Variants in RPL27 observed in about 807,000 individuals in gnomAD.
RPL27 encodes ribosomal protein L27.
For missense variants in RPL27, 131 were observed against 174.3 expected, an observed-to-expected ratio of 0.75 and a Z score of 1.40; for synonymous variants, 77 against 61.0, an observed-to-expected ratio of 1.26 and a Z score of -1.22.
chr17:43,002,908 A>G lies in RPL27; in HGVS notation c.399A>G (p.Lys133=), dbSNP rs2050381460. ...KTGKNKWFFQ[K]LRF is the part of the protein sequence containing the mutation. ...GCAAGAACAAGTGGTTCTTCCAGAAACTGCGGTTTTAGATGCTTTGTTTTG... is the reference window on the plus strand; with the variant it reads ...GCAAGAACAAGTGGTTCTTCCAGAAGCTGCGGTTTTAGATGCTTTGTTTTG... The change falls in exon 5 of 5, where the codon AAA becomes AAG. Residue 133 remains lysine (K), a synonymous_variant. Coordinates refer to ENST00000253788, the MANE Select transcript of RPL27 (RefSeq NM_000988.5). 6.2e-7 allele frequency: 1 copy of G among 1,613,724 alleles called. No homozygotes were observed. The highest frequency in any genetic ancestry group is 8.5e-7 in the Non-Finnish European group (1 of 1,179,634).
intron 3 of RPL27, among the ~76,000 whole-genome samples, chr17:43,001,967 TGTA>T (rs749978935): frequency 2.8e-4 from 42 of 150,368 alleles, no homozygotes; most frequent in South Asian, 4.2e-4. Flanking sequence ...GGCAGGCGCC[TGTA>T]GTAGTCCCAG....
chr17:43,002,321 C>T (rs1355462438), intron 3 of RPL27, among the ~76,000 whole-genome samples: 4 of 151,724 alleles, frequency 2.6e-5, no homozygotes, highest in African/African-American at 9.7e-5. Flanking sequence ...CTGGCTAACA[C>T]TGTGAAACCC....
Position 43,000,671 on chromosome 17 carries a change from C to T in RPL27, c.251+569C>T, listed in dbSNP as rs367698662. Among the ~76,000 whole-genome samples, 194 of 147,822 alleles carry T rather than the reference C, an allele frequency of 1.3e-3. 1 individual carries two copies. Among genetic ancestry groups the T allele is most frequent in the African/African-American group, 4.5e-3 (183 of 40,576 alleles). On this transcript the variant is annotated intron_variant, in intron 3 of 4. Transcript: ENST00000253788. Reference sequence around the variant, plus strand: ...ATGTTAGCCAGGATGGTCTCGATCTCCTGACCTCGTGATCTGCCCACCTCA... The same window carrying T: ...ATGTTAGCCAGGATGGTCTCGATCTTCTGACCTCGTGATCTGCCCACCTCA...
In RPL27 at chr17:43,000,095, C is replaced by T. The variant is rs1020517623; in HGVS notation, c.244C>T (p.Pro82Ser). ...AGTGTATAACTACAATCACCTAATGCCCACAAGGTGAGCATTTCAAGAACT... is the reference window on the plus strand; with the variant it reads ...AGTGTATAACTACAATCACCTAATGTCCACAAGGTGAGCATTTCAAGAACT... The part of the protein sequence containing the change: ...VKVYNYNHLM[P>S]TRYSVDIPLD... Residue 82 changes from proline (P) to serine (S), a missense_variant, in exon 3 of 5, where the codon CCC (proline) becomes TCC (serine). Pro to Ser is a moderately conservative substitution (Grantham distance 74, BLOSUM62 -1). Transcript: ENST00000253788. 1.2e-6 allele frequency: 2 copies of T among 1,608,092 alleles called. No individual in the cohort carries two copies. Among genetic ancestry groups the T allele is most frequent in the Non-Finnish European group, 1.7e-6 (2 of 1,175,376 alleles).
At chr17:43,000,139 C>T (rs529933728) in intron 3 of RPL27, 37 bp downstream of exon 3, 1 of 1,516,548 alleles carries the variant, frequency 6.6e-7, no homozygotes, top group Non-Finnish European at 9.1e-7. Context: ...AATTTCTTCT[C>T]CCTGCTCTGT....
At chr17:43,000,520 T>G (rs574816784) in intron 3 of RPL27, among the ~76,000 whole-genome samples, 41 of 146,328 alleles carry the variant, frequency 2.8e-4, no homozygotes, top group African/African-American at 1.0e-3. Context: ...CAGGTTGGAG[T>G]GCAGTGGCGG....
intron 3 of RPL27, among the ~76,000 whole-genome samples, chr17:43,002,175 T>A (rs934945772): frequency 2.6e-5 from 4 of 151,738 alleles, no homozygotes; most frequent in African/African-American, 4.9e-5. Flanking sequence ...AACATTGAAT[T>A]TTACATTTTA....
intron 3 of RPL27, among the ~76,000 whole-genome samples, chr17:43,000,679 C>T (rs1417140956): frequency 1.3e-5 from 2 of 149,232 alleles, no homozygotes; most frequent in Admixed American, 6.6e-5. Context: ...CTCCTGACCT[C>T]GTGATCTGCC....
intron 3 of RPL27, among the ~76,000 whole-genome samples, chr17:43,002,438 C>T (rs953068777): frequency 2.6e-5 from 4 of 151,842 alleles, no homozygotes; most frequent in Non-Finnish European, 4.4e-5. Flanking sequence ...ACCCGGGAGG[C>T]GGAACTTGCA....
intron 3 of RPL27, among the ~76,000 whole-genome samples, chr17:43,001,475 G>T (rs2050361448): frequency 1.3e-5 from 1 of 77,302 alleles, no homozygotes; most frequent in African/African-American, 4.1e-5. Context: ...AAAAAAATTA[G>T]CTGGGCATGG....
chr17:42,999,975 C>T lies in RPL27; in HGVS notation c.124C>T (p.Leu42=), dbSNP rs368450548. The change falls in exon 3 of 5, where the codon CTG becomes TTG. Residue 42 remains leucine, a synonymous_variant. Transcript: ENST00000253788. The part of the protein sequence containing the change: ...GTSDRPYSHA[L]VAGIDRYPRK... Reference sequence around the variant, plus strand: ...CTCAGATCGCCCCTACAGCCATGCTCTGGTGGCTGGAATTGACCGCTACCC... The same window carrying T: ...CTCAGATCGCCCCTACAGCCATGCTTTGGTGGCTGGAATTGACCGCTACCC... The T allele has an allele frequency of 1.2e-6, 2 of 1,612,118 alleles. No homozygotes were observed. The highest frequency in any genetic ancestry group is 1.7e-6 in the Non-Finnish European group (2 of 1,179,798).
chr17:43,001,928 G>C (rs1291623272), intron 3 of RPL27, among the ~76,000 whole-genome samples: 1 of 146,540 alleles, frequency 6.8e-6, no homozygotes, highest in Non-Finnish European at 1.5e-5. Flanking sequence ...CGTCTCTACT[G>C]AAAGTACAAA....
At chr17:42,998,547 G>A in intron 1 of RPL27, 76 bp downstream of exon 1, 1 of 461,786 alleles carries the variant, frequency 2.2e-6, no homozygotes. Context: ...GGGCGGCGCC[G>A]GGTGCATTCC....
chr17:42,998,483 C>T lies in RPL27; in HGVS notation c.-3+12C>T. The T allele has an allele frequency of 2.9e-6, 1 of 349,776 alleles. No individual in the cohort carries two copies. The highest frequency in any genetic ancestry group is 3.1e-5 in the South Asian group (1 of 32,632). The allele number at this position is 349,776 out of a possible 1,614,324, so 21.7% of individuals were successfully genotyped here. A position where few individuals can be genotyped will look rare whatever the true frequency, so the allele number is the denominator to read the frequency against. ...GGTGGTTGCTGCCGGTAAGTAGAAG[C>T]TTGGGTTGAATCTTTCAATCCGCTG... On this transcript the variant is annotated intron_variant, in intron 1 of 4. Coordinates refer to ENST00000253788, the MANE Select transcript of RPL27 (RefSeq NM_000988.5).
chr17:43,002,402 G>A (rs1485854223), intron 3 of RPL27, among the ~76,000 whole-genome samples: 1 of 150,166 alleles, frequency 6.7e-6, no homozygotes, highest in South Asian at 2.1e-4. Flanking sequence ...AGCTACTCGG[G>A]AGGCTGAGGC....
Position 43,002,189 on chromosome 17 carries a change from G to T in RPL27, c.252-484G>T, listed in dbSNP as rs972918774. Reference sequence around the variant, plus strand: ...AAACATTGAATTTTACATTTTATTGGCTTGAATCCAATAAATGTTAAAAGT... The same window carrying T: ...AAACATTGAATTTTACATTTTATTGTCTTGAATCCAATAAATGTTAAAAGT... On this transcript the variant is annotated intron_variant, in intron 3 of 4. Coordinates refer to ENST00000253788, the MANE Select transcript of RPL27 (RefSeq NM_000988.5). Among the ~76,000 whole-genome samples the T allele has an allele frequency of 4.2e-4, 64 of 151,764 alleles. 2 individuals carry two copies. The highest frequency in any genetic ancestry group is 1.6e-3 in the African/African-American group (64 of 41,142).
At chr17:43,002,424 G>A (rs991049567) in intron 3 of RPL27, among the ~76,000 whole-genome samples, 6 of 151,938 alleles carry the variant, frequency 3.9e-5, no homozygotes, top group Non-Finnish European at 5.9e-5. Context: ...GGAGAATGGC[G>A]TGAACCCGGG....
At chr17:43,002,323 G>A (rs909077614) in intron 3 of RPL27, among the ~76,000 whole-genome samples, 2 of 141,838 alleles carry the variant, frequency 1.4e-5, no homozygotes, top group African/African-American at 3.0e-5. Context: ...GGCTAACACT[G>A]TGAAACCCCG....
intron 3 of RPL27, among the ~76,000 whole-genome samples, chr17:43,001,667 G>T (rs1229544342): frequency 2.0e-5 from 3 of 151,608 alleles, no homozygotes; most frequent in Non-Finnish European, 4.4e-5. Flanking sequence ...TGTTTCTTGG[G>T]TGCTGGGATG....
Sources: gnomAD v4.1 joint callset for allele counts (sites outside exome capture counted in the v4.1 genomes callset) on GRCh38, gnomAD v4.1.1 for gene constraint, MANE v1.5 for transcripts, NCBI Gene and HGNC (gene_info 2026-07-23, HGNC 2026-07-21) for gene names.